NRXN1: variants seen among roughly 807,000 people sequenced by gnomAD.
NRXN1 encodes neurexin-1.
A neutral mutation model predicts 150.9 loss-of-function variants in NRXN1; 39 were observed. That is an observed-to-expected ratio of 0.26 (90% CI 0.20 to 0.34). The LOEUF (loss-of-function observed/expected upper bound fraction) is 0.34, where lower values mean the gene tolerates loss of function less well. NRXN1 is among the 10% of genes least tolerant of loss of function. The pLI, the probability that NRXN1 is intolerant of heterozygous loss-of-function variation, is 1.00. For missense variants in NRXN1, 1,815 were observed against 1,949.9 expected (o/e 0.93, Z 1.30); for synonymous variants, 924 against 757.0 (o/e 1.22, Z -3.62).
At chr2:50,826,839 C>A (rs1411971952) in intron 5 of NRXN1, among the ~76,000 whole-genome samples, 1 of 152,048 alleles carries the variant, frequency 6.6e-6, no homozygotes, top group Non-Finnish European at 1.5e-5. Context: ...GAGCTCATTG[C>A]AGAGATCAGG....
chr2:50,337,396 C>T (rs941748361), intron 17 of NRXN1, among the ~76,000 whole-genome samples: 1 of 152,154 alleles, frequency 6.6e-6, no homozygotes, highest in African/African-American at 2.4e-5. Flanking sequence ...AAAGCATGGA[C>T]TTTCTAATTG....
chr2:50,335,896 T>C (rs1312301995), intron 17 of NRXN1, among the ~76,000 whole-genome samples: 1 of 152,052 alleles, frequency 6.6e-6, no homozygotes, highest in Non-Finnish European at 1.5e-5. Context: ...TTCTGTTTTT[T>C]TTTTTTTTCC....
chr2:50,243,009 G>A (rs1226748980), intron 17 of NRXN1, among the ~76,000 whole-genome samples: 2 of 151,714 alleles, frequency 1.3e-5, no homozygotes, highest in African/African-American at 4.8e-5. Flanking sequence ...AAAGCTTTAT[G>A]GAAATAGTTA....
intron 21 of NRXN1, among the ~76,000 whole-genome samples, chr2:49,994,299 G>A (rs1438791106): frequency 6.6e-6 from 1 of 152,134 alleles, no homozygotes; most frequent in East Asian, 1.9e-4. Flanking sequence ...GGCAGAAATA[G>A]GTGTAGAATA....
chr2:49,959,193 C>A (rs186693065), intron 21 of NRXN1, among the ~76,000 whole-genome samples: 1 of 152,244 alleles, frequency 6.6e-6, no homozygotes, highest in Admixed American at 6.5e-5. Context: ...TTTCCAAGAT[C>A]TATTCAAACA....
At chr2:50,620,345 G>C (rs561058870) in intron 7 of NRXN1, among the ~76,000 whole-genome samples, 162 bp from the exon 8 acceptor site, 77 of 151,862 alleles carry the variant, frequency 5.1e-4, no homozygotes, top group African/African-American at 1.7e-3. Flanking sequence ...GACCTATGAC[G>C]GAACCCATTT....
chr2:50,326,079 A>G (rs1422201580), intron 17 of NRXN1, among the ~76,000 whole-genome samples: 1 of 152,222 alleles, frequency 6.6e-6, no homozygotes, highest in Non-Finnish European at 1.5e-5. Flanking sequence ...AGTGTTTATC[A>G]GTTTTCATCA....
At chr2:51,015,642 G>T (rs200609377) in intron 2 of NRXN1, among the ~76,000 whole-genome samples, 1 of 151,402 alleles carries the variant, frequency 6.6e-6, no homozygotes, top group African/African-American at 2.4e-5. Flanking sequence ...GAATAACAAT[G>T]GATAAACTTC....
chr2:50,428,182 G>A (rs1050375103), intron 17 of NRXN1, among the ~76,000 whole-genome samples: 15 of 152,160 alleles, frequency 9.9e-5, no homozygotes, highest in African/African-American at 3.6e-4. Context: ...GGGAGGCTGA[G>A]GAGAGAGAAT....
chr2:50,110,509 AAAAG>A (rs1407617889), intron 18 of NRXN1, among the ~76,000 whole-genome samples: 1 of 151,310 alleles, frequency 6.6e-6, no homozygotes, highest in Non-Finnish European at 1.5e-5. Flanking sequence ...AAAAAAAAAA[AAAAG>A]AAAGAAAGAA....
intron 5 of NRXN1, among the ~76,000 whole-genome samples, chr2:50,633,840 G>A (rs1682791813): frequency 1.3e-5 from 2 of 152,124 alleles, no homozygotes; most frequent in Admixed American, 6.6e-5. Context: ...TCAAGTATAA[G>A]TGAGTTATAT....
At chr2:50,825,107 T>G (rs1374920891) in intron 5 of NRXN1, among the ~76,000 whole-genome samples, 3 of 152,208 alleles carry the variant, frequency 2.0e-5, no homozygotes, top group Non-Finnish European at 1.5e-5. Context: ...TTTTGTTTAT[T>G]CATTTGGCAA....
intron 17 of NRXN1, among the ~76,000 whole-genome samples, chr2:50,407,041 T>C (rs2082795539): frequency 6.6e-6 from 1 of 152,130 alleles, no homozygotes; most frequent in Admixed American, 6.5e-5. Context: ...AGGAAGAAAT[T>C]TCCTACAGAC....
intron 5 of NRXN1, among the ~76,000 whole-genome samples, chr2:50,695,929 G>T (rs1175221400): frequency 7.0e-6 from 1 of 143,142 alleles, no homozygotes; most frequent in Non-Finnish European, 1.5e-5. Context: ...TGCAACCTCT[G>T]CCCTCCAGCT....
intron 2 of NRXN1, among the ~76,000 whole-genome samples, chr2:50,988,937 T>C (rs900020213): frequency 6.6e-6 from 1 of 151,998 alleles, no homozygotes; most frequent in Non-Finnish European, 1.5e-5. Flanking sequence ...CTCTGCTTTA[T>C]GACAACTTCT....
intron 13 of NRXN1, among the ~76,000 whole-genome samples, chr2:50,503,056 C>T (rs1030018330): frequency 6.6e-6 from 1 of 151,808 alleles, no homozygotes; most frequent in African/African-American, 2.4e-5. Context: ...GTCTGTAATC[C>T]CGGTACTTTG....
rs1685437705 is a variant in NRXN1, at chr2:50,010,249, C to T, written c.4128+43022G>A. ...GCATTCATCTCTACATTTAGATGCT[C>T]TGTACTTACTGAGATTAGCTGGGAT... On this transcript the variant is annotated intron_variant, in intron 21 of 22. Coordinates refer to ENST00000401669, the MANE Select transcript of NRXN1 (RefSeq NM_001330078.2). 2.0e-5 allele frequency among the ~76,000 whole-genome samples: 3 copies of T among 152,074 alleles called. No individual in the cohort carries two copies. In the South Asian group the frequency reaches 6.2e-4, roughly 32 times the overall value.
intron 12 of NRXN1, among the ~76,000 whole-genome samples, chr2:50,513,469 T>C (rs1489033648): frequency 6.6e-6 from 1 of 152,156 alleles, no homozygotes; most frequent in African/African-American, 2.4e-5. Flanking sequence ...GTTTGGTTAT[T>C]TAATTCCTAA....
chr2:50,373,679 A>AAGGAAAGAAAGAAAG (rs766534624), intron 17 of NRXN1, among the ~76,000 whole-genome samples: 187 of 65,586 alleles, frequency 2.9e-3, no homozygotes, highest in African/African-American at 0.011. Flanking sequence ...AGAAAGAAAG[A>AAGGAAAGAAAGAAAG]AAAGAAAGAA....
Sources: allele counts gnomAD v4.1 joint callset (sites outside exome capture counted in the v4.1 genomes callset), GRCh38; gene constraint gnomAD v4.1.1; transcripts MANE v1.5; gene names NCBI Gene and HGNC (gene_info 2026-07-23, HGNC 2026-07-21).